The following TMEM132B variants were observed in gnomAD, a reference collection of about 807,000 sequenced individuals.
TMEM132B encodes transmembrane protein 132B.
Under a neutral mutation model 90.8 loss-of-function variants are expected in TMEM132B, and 18 were observed. The observed-to-expected ratio is 0.20, with a 90% CI of 0.14 to 0.29. The LOEUF (loss-of-function observed/expected upper bound fraction) is 0.29. TMEM132B is among the 10% of genes least tolerant of loss of function. The pLI is 1.00. For synonymous variants in TMEM132B, 504 were observed against 523.3 expected (o/e 0.96, Z 0.50); for missense variants, 1,096 against 1,326.8 (o/e 0.83, Z 2.70).
chr12:125,655,642 G>A lies in TMEM132B; in HGVS notation c.*932G>A, dbSNP rs1887041246. ...GGAGTGCATTTCTGAGGGTAAAAAG[G>A]CCCCAACATAGCTGTATTTATACAA... is the stretch of plus-strand genomic sequence containing the variant. On this transcript the variant is annotated 3_prime_UTR_variant, in exon 9 of 9. Coordinates refer to ENST00000682704, the MANE Select transcript of TMEM132B (RefSeq NM_001366854.1). 6.6e-6 allele frequency: 1 copy of A among 152,128 alleles called. No homozygotes were observed. Among genetic ancestry groups the A allele is most frequent in the South Asian group, 2.1e-4 (1 of 4,820 alleles). 9.4% of individuals were successfully genotyped at this position (152,128 alleles called of 1,614,324 possible). A position where few individuals can be genotyped will look rare whatever the true frequency, so the allele number is the denominator to read the frequency against.
At chr12:125,376,525 C>T (rs1878493596) in intron 2 of TMEM132B, among the ~76,000 whole-genome samples, 1 of 152,224 alleles carries the variant, frequency 6.6e-6, no homozygotes, top group Non-Finnish European at 1.5e-5. Context: ...TGCCCAGCAG[C>T]TCCTCCAGTG....
chr12:125,644,728 G>A (rs1027328780), intron 6 of TMEM132B, among the ~76,000 whole-genome samples: 5 of 152,110 alleles, frequency 3.3e-5, no homozygotes, highest in African/African-American at 9.7e-5. Flanking sequence ...GGCTGCCTGA[G>A]TTGTTCCCCA....
At chr12:125,564,432 G>A (rs1298873169) in intron 4 of TMEM132B, among the ~76,000 whole-genome samples, 1 of 152,136 alleles carries the variant, frequency 6.6e-6, no homozygotes, top group African/African-American at 2.4e-5. Context: ...ATTTTCTTGA[G>A]ATAGAAATTC....
intron 3 of TMEM132B, among the ~76,000 whole-genome samples, chr12:125,439,159 G>C (rs1460642411): frequency 6.7e-6 from 1 of 148,366 alleles, no homozygotes. Flanking sequence ...TTTTTTTTTG[G>C]TTTTATATTA....
chr12:125,518,297 G>A (rs1340516582), intron 3 of TMEM132B, among the ~76,000 whole-genome samples: 2 of 152,194 alleles, frequency 1.3e-5, no homozygotes, highest in Non-Finnish European at 1.5e-5. Flanking sequence ...ACAAGCAGCA[G>A]GCAGCAGTTT....
chr12:125,623,240 C>A (rs1183469882), intron 5 of TMEM132B, among the ~76,000 whole-genome samples: 1 of 152,078 alleles, frequency 6.6e-6, no homozygotes, highest in Non-Finnish European at 1.5e-5. Context: ...CTCCCTATGC[C>A]ATGAAATAAA....
intron 1 of TMEM132B, among the ~76,000 whole-genome samples, chr12:125,268,064 A>G (rs1409706414): frequency 6.6e-6 from 1 of 152,216 alleles, no homozygotes; most frequent in Non-Finnish European, 1.5e-5. Context: ...TGAGCAACTT[A>G]GCAAGACTCC....
intron 5 of TMEM132B, among the ~76,000 whole-genome samples, chr12:125,592,902 G>A (rs76339919): frequency 0.019 from 2,924 of 152,278 alleles, 37 homozygotes; most frequent in Non-Finnish European, 0.03. Context: ...GCATTGGTGC[G>A]TATTGGTTTT....
At chr12:125,522,478 G>A (rs534318154) in intron 4 of TMEM132B, among the ~76,000 whole-genome samples, 2 of 152,276 alleles carry the variant, frequency 1.3e-5, no homozygotes, top group South Asian at 2.1e-4. Flanking sequence ...GAAAGAAGAG[G>A]TTTCCCTGCC....
chr12:125,545,423 G>T (rs145628636), intron 4 of TMEM132B, among the ~76,000 whole-genome samples: 2 of 152,274 alleles, frequency 1.3e-5, no homozygotes, highest in Non-Finnish European at 2.9e-5. Flanking sequence ...TTCCCAACCG[G>T]AACACACCAG....
chr12:125,594,027 T>C (rs1885380310), intron 5 of TMEM132B, among the ~76,000 whole-genome samples: 1 of 152,224 alleles, frequency 6.6e-6, no homozygotes, highest in South Asian at 2.1e-4. Flanking sequence ...ACTTCTGAAC[T>C]TTCTTCATGT....
At chr12:125,621,743 T>C (rs533094514) in intron 5 of TMEM132B, among the ~76,000 whole-genome samples, 2 of 152,198 alleles carry the variant, frequency 1.3e-5, no homozygotes, top group East Asian at 1.9e-4. Flanking sequence ...CCAGCAAAAG[T>C]TTTTAATAAG....
In TMEM132B at chr12:125,432,200, A is replaced by G. The variant is rs182462365; in HGVS notation, c.1106+16523A>G. 3.8e-3 allele frequency among the ~76,000 whole-genome samples: 579 copies of G among 151,528 alleles called. 4 individuals carry two copies. Among genetic ancestry groups the G allele is most frequent in the Middle Eastern group, 6.8e-3 (2 of 294 alleles). On this transcript the variant is annotated intron_variant, in intron 3 of 8. Transcript: ENST00000682704. ...AGACGCCATGGTCAGCCAGGTCTGCATGGTCTGCCAGGCTGGTTATAGCTC... is the reference window on the plus strand; with the variant it reads ...AGACGCCATGGTCAGCCAGGTCTGCGTGGTCTGCCAGGCTGGTTATAGCTC...
At chr12:125,570,660 G>A (rs1884768938) in intron 4 of TMEM132B, among the ~76,000 whole-genome samples, 1 of 152,204 alleles carries the variant, frequency 6.6e-6, no homozygotes, top group African/African-American at 2.4e-5. Context: ...CCATCAAGTT[G>A]GGGGAGCTGG....
At chr12:125,643,878 T>C (rs865958849) in intron 5 of TMEM132B, among the ~76,000 whole-genome samples, 198 bp from the exon 6 acceptor site, 2 of 152,218 alleles carry the variant, frequency 1.3e-5, no homozygotes, top group Non-Finnish European at 2.9e-5. Flanking sequence ...TAATACAAAA[T>C]AGTTTTCCTG....
chr12:125,622,509 G>C (rs1886134184), intron 5 of TMEM132B: 1 of 985,238 alleles, frequency 1.0e-6, no homozygotes, highest in African/African-American at 1.7e-5. Flanking sequence ...GTCAAGAAAG[G>C]TGTAGATCCT....
chr12:125,369,267 A>G lies in TMEM132B; in HGVS notation c.959+18924A>G, dbSNP rs547143744. ...GTGCCACATTTTCTTAATCTAGTCT[A>G]TCACTGATGAACATTTGGGTTGGTT... On this transcript the variant is annotated intron_variant, in intron 2 of 8. Transcript: ENST00000682704. 3.3e-5 allele frequency among the ~76,000 whole-genome samples: 5 copies of G among 152,290 alleles called. No homozygotes were observed. The East Asian group carries it at 9.6e-4, about 29-fold the overall frequency.
chr12:125,230,660 T>C (rs1481039499), intron 1 of TMEM132B, among the ~76,000 whole-genome samples: 3 of 151,364 alleles, frequency 2.0e-5, no homozygotes, highest in African/African-American at 7.3e-5. Context: ...TTTGTGGTTT[T>C]TTTGTGTGTA....
chr12:125,589,283 CCATCCTGGCTAA>C (rs1885255706), intron 5 of TMEM132B, among the ~76,000 whole-genome samples: 1 of 151,816 alleles, frequency 6.6e-6, no homozygotes, highest in African/African-American at 2.4e-5. Flanking sequence ...GAGATCGAGA[CCATCCTGGCTAA>C]CACGGTGAAA....
Sources: gnomAD v4.1 joint callset for allele counts (sites outside exome capture counted in the v4.1 genomes callset) on GRCh38, gnomAD v4.1.1 for gene constraint, MANE v1.5 for transcripts, NCBI Gene and HGNC (gene_info 2026-07-23, HGNC 2026-07-21) for gene names.